The following IQGAP2 variants were observed in gnomAD, a reference collection of about 807,000 sequenced individuals.
IQGAP2 encodes IQ motif containing GTPase activating protein 2, also known as ras GTPase-activating-like protein IQGAP2.
A neutral mutation model predicts 201.3 loss-of-function variants in IQGAP2; 173 were observed. That is an observed-to-expected ratio of 0.86 (90% CI 0.76 to 0.98). IQGAP2 has a LOEUF of 0.98. Among genes scored for constraint, IQGAP2 ranks in the 50% least tolerant of loss-of-function variants. The pLI, the probability that IQGAP2 is intolerant of heterozygous loss-of-function variation, is 0.00. For synonymous variants in IQGAP2, 675 were observed against 673.9 expected (o/e 1.00, Z -0.03); for missense variants, 1,687 against 1,864.8 (o/e 0.90, Z 1.76).
At chr5:76,702,330 GA>G (rs1751534512) in intron 34 of IQGAP2, 151 bp from the exon 35 acceptor site, 1 of 564,934 alleles carries the variant, frequency 1.8e-6, no homozygotes, top group Non-Finnish European at 3.2e-6. Flanking sequence ...AGAATTGGGG[GA>G]AAGATGACGT....
chr5:76,621,063 G>A (rs908419831), intron 13 of IQGAP2, among the ~76,000 whole-genome samples: 1 of 152,004 alleles, frequency 6.6e-6, no homozygotes, highest in African/African-American at 2.4e-5. Context: ...CATTCTTATC[G>A]ATTTAAAATG....
intron 2 of IQGAP2, among the ~76,000 whole-genome samples, chr5:76,484,761 C>A (rs1756010148): frequency 6.6e-6 from 1 of 152,002 alleles, no homozygotes; most frequent in Admixed American, 6.6e-5. Flanking sequence ...AGCAGTCCTC[C>A]CACTTCAGCC....
At chr5:76,404,845 G>A (rs1426121585) in intron 1 of IQGAP2, among the ~76,000 whole-genome samples, 3 of 151,156 alleles carry the variant, frequency 2.0e-5, no homozygotes, top group African/African-American at 7.4e-5. Flanking sequence ...GGGTTCAAGA[G>A]GGAACGCTGT....
chr5:76,406,567 G>A (rs189852519), intron 1 of IQGAP2, among the ~76,000 whole-genome samples: 13 of 152,318 alleles, frequency 8.5e-5, no homozygotes, highest in East Asian at 3.9e-4. Flanking sequence ...TGACACTTAC[G>A]CTTAGGTGTG....
At position 76,619,514 on chromosome 5, in the gene IQGAP2, C is replaced by CCTT. The variant is rs1561518620; in HGVS notation, c.1522-7896_1522-7895insCTT. ...CAGATCTAACTTAGTTAAGGATCTT[C>CCTT]TTTTTTTTTTTTTTTTTTTTTTGAG... On this transcript the variant is annotated intron_variant, in intron 13 of 35. Coordinates refer to ENST00000274364, the MANE Select transcript of IQGAP2 (RefSeq NM_006633.5). Among the ~76,000 whole-genome samples the CCTT allele has an allele frequency of 1.8e-4, 19 of 104,250 alleles. 4 individuals carry two copies. The highest frequency in any genetic ancestry group is 2.5e-4 in the East Asian group (1 of 4,004). 68.4% of individuals were successfully genotyped at this position (104,250 alleles called of 152,430 possible).
chr5:76,443,651 T>C (rs2150107171), intron 1 of IQGAP2, among the ~76,000 whole-genome samples: 1 of 152,224 alleles, frequency 6.6e-6, no homozygotes, highest in Non-Finnish European at 1.5e-5. Context: ...GCCAGGGTTG[T>C]TAGAAAGATC....
intron 27 of IQGAP2, among the ~76,000 whole-genome samples, chr5:76,676,093 A>T (rs1192738699): frequency 4.0e-5 from 6 of 149,162 alleles, no homozygotes; most frequent in East Asian, 4.0e-4. Flanking sequence ...ACACACACAC[A>T]CACACACACA....
intron 2 of IQGAP2, among the ~76,000 whole-genome samples, chr5:76,507,198 A>G (rs1757651853): frequency 1.3e-5 from 2 of 152,350 alleles, no homozygotes; most frequent in South Asian, 4.1e-4. Flanking sequence ...TAGGGATCTC[A>G]GAAATAGACC....
rs182839626 is a variant in IQGAP2 at position 76,652,502 on chromosome 5, G to A, written c.2095-248G>A. On this transcript the variant is annotated intron_variant, in intron 17 of 35. Coordinates refer to ENST00000274364, the MANE Select transcript of IQGAP2 (RefSeq NM_006633.5). ...AGTTAAGCTTTCCAGCAGGAACTGT[G>A]CTTCTCCATGTAATTTATCACCCTT... Among the ~76,000 whole-genome samples the A allele has an allele frequency of 2.0e-4, 31 of 152,218 alleles. No individual in the cohort carries two copies. In the South Asian group the frequency reaches 2.9e-3, roughly 14 times the overall value.
intron 2 of IQGAP2, among the ~76,000 whole-genome samples, chr5:76,541,203 C>T (rs1396142077): frequency 6.6e-6 from 1 of 151,466 alleles, no homozygotes; most frequent in Non-Finnish European, 1.5e-5. Context: ...TCCTCCTAGC[C>T]CCCTGGTAAC....
chr5:76,674,569 G>C lies in IQGAP2; in HGVS notation c.3387G>C (p.Gln1129His). ...FDIIDMTAGGQINSDQRRNLG... is the reference protein window; with the variant it reads ...FDIIDMTAGGHINSDQRRNLG... ...TCATCGACATGACAGCTGGAGGTCAGATAAATTCTGACCAAAGGAGAAACT... is the reference window on the plus strand; with the variant it reads ...TCATCGACATGACAGCTGGAGGTCACATAAATTCTGACCAAAGGAGAAACT... The change falls in exon 27 of 36, where the codon CAG becomes CAC. Residue 1129 changes from glutamine to histidine, a missense_variant. Coordinates refer to ENST00000274364, the MANE Select transcript of IQGAP2 (RefSeq NM_006633.5). 1.2e-6 allele frequency: 2 copies of C among 1,614,128 alleles called. No individual in the cohort carries two copies. The highest frequency in any genetic ancestry group is 3.3e-4 in the Middle Eastern group (2 of 6,062).
chr5:76,658,313 G>C (rs896472140), intron 20 of IQGAP2, 146 bp from the exon 21 acceptor site: 16 of 689,068 alleles, frequency 2.3e-5, no homozygotes, highest in Non-Finnish European at 3.8e-5. Context: ...TTTAAATTGT[G>C]TGGGGGTGGG....
At chr5:76,510,117 G>A (rs958494979) in intron 2 of IQGAP2, among the ~76,000 whole-genome samples, 4 of 150,824 alleles carry the variant, frequency 2.7e-5, no homozygotes, top group East Asian at 2.0e-4. Flanking sequence ...CTCCTGCCTC[G>A]GCCTCCTGAG....
intron 1 of IQGAP2, among the ~76,000 whole-genome samples, chr5:76,443,232 A>G (rs1361069233): frequency 6.6e-6 from 1 of 152,202 alleles, no homozygotes; most frequent in Non-Finnish European, 1.5e-5. Flanking sequence ...TCATCTGCTC[A>G]TTACAGAACC....
At chr5:76,579,844 G>GT (rs1745719866) in intron 5 of IQGAP2, among the ~76,000 whole-genome samples, 1 of 152,060 alleles carries the variant, frequency 6.6e-6, no homozygotes. Flanking sequence ...TCTACCCGGT[G>GT]TTTCTGTCAC....
chr5:76,440,022 A>G (rs1269774562), intron 1 of IQGAP2, among the ~76,000 whole-genome samples: 1 of 152,154 alleles, frequency 6.6e-6, no homozygotes, highest in African/African-American at 2.4e-5. Context: ...AACTCCTTTT[A>G]GCATTTCTTG....
intron 35 of IQGAP2, among the ~76,000 whole-genome samples, chr5:76,706,357 G>A (rs1374408646): frequency 2.0e-5 from 3 of 148,748 alleles, no homozygotes; most frequent in Admixed American, 6.7e-5. Context: ...TTTGTTTTTC[G>A]GGTTTTTTGA....
chr5:76,632,234 T>C (rs371940978), intron 15 of IQGAP2, among the ~76,000 whole-genome samples: 2 of 152,170 alleles, frequency 1.3e-5, no homozygotes, highest in Non-Finnish European at 2.9e-5. Flanking sequence ...AATATATGGA[T>C]GGCATTAAGA....
chr5:76,504,240 T>C lies in IQGAP2; in HGVS notation c.146+42571T>C, dbSNP rs1268295586. Among the ~76,000 whole-genome samples the C allele has an allele frequency of 2.1e-4, 32 of 152,194 alleles. 1 individual carries two copies. The highest frequency in any genetic ancestry group is 2.1e-3 in the Admixed American group (32 of 15,274). ...TCTTCAGCCTCCTGCCACCTTCTAC[T>C]GTTCGACACCTCTTGTCCTGGTGGT... On this transcript the variant is annotated intron_variant, in intron 2 of 35. Coordinates refer to ENST00000274364, the MANE Select transcript of IQGAP2 (RefSeq NM_006633.5).
Sources: gnomAD v4.1 joint callset for allele counts (sites outside exome capture counted in the v4.1 genomes callset) on GRCh38, gnomAD v4.1.1 for gene constraint, MANE v1.5 for transcripts, NCBI Gene and HGNC (gene_info 2026-07-23, HGNC 2026-07-21) for gene names.